The following COL4A5 variants were observed in gnomAD, a reference collection of about 807,000 sequenced individuals.
The protein encoded by COL4A5 is collagen alpha-5(IV) chain.
Under a neutral mutation model 130.2 loss-of-function variants are expected in COL4A5, and 26 were observed. The observed-to-expected ratio is 0.20, with a 90% CI of 0.15 to 0.28. The LOEUF (loss-of-function observed/expected upper bound fraction) is 0.28. COL4A5 is among the 10% of genes least tolerant of loss of function. COL4A5 has a pLI of 1.00. For synonymous variants in COL4A5, 496 were observed against 439.6 expected (o/e 1.13, Z -1.60); for missense variants, 1,131 against 1,344.3 (o/e 0.84, Z 2.48).
At chrX:108,571,745 G>A in intron 7 of COL4A5, 66 bp from the exon 8 acceptor site, 2 of 829,992 alleles carry the variant, frequency 2.4e-6, no homozygotes, top group Admixed American at 2.3e-5. Context: ...TATTTAGAAA[G>A]CATTCTGTAA....
chrX:108,580,297 G>A (rs2066220725), intron 13 of COL4A5, among the ~76,000 whole-genome samples: 1 of 111,063 alleles, frequency 9.0e-6, no homozygotes, highest in Non-Finnish European at 1.9e-5. Flanking sequence ...CCATCTTTAT[G>A]TCCTTGTGTC....
At chrX:108,638,442 C>CAT (rs1162188775) in intron 36 of COL4A5, among the ~76,000 whole-genome samples, 1 of 111,286 alleles carries the variant, frequency 9.0e-6, no homozygotes, top group African/African-American at 3.3e-5. Flanking sequence ...TTATAAAGGT[C>CAT]ATATATGAAA....
chrX:108,587,854 A>G (rs1172589925), intron 19 of COL4A5, among the ~76,000 whole-genome samples: 2 of 111,133 alleles, frequency 1.8e-5, no homozygotes, highest in Non-Finnish European at 3.8e-5. Flanking sequence ...ACACCAAACA[A>G]TTCTTAATTT....
At chrX:108,611,981 C>A (rs1348785344) in intron 29 of COL4A5, among the ~76,000 whole-genome samples, 1 of 111,308 alleles carries the variant, frequency 9.0e-6, no homozygotes, top group Non-Finnish European at 1.9e-5. Context: ...CCTTAGAATA[C>A]GGGCTGGTTT....
chrX:108,640,639 TA>T (rs1192115368), intron 36 of COL4A5, among the ~76,000 whole-genome samples: 1 of 111,210 alleles, frequency 9.0e-6, no homozygotes, highest in Admixed American at 9.6e-5. Flanking sequence ...TTTGGGTTGA[TA>T]AAAAAAATTC....
chrX:108,626,022 A>C (rs1012397715), intron 35 of COL4A5, among the ~76,000 whole-genome samples, 188 bp from the exon 36 acceptor site: 1 of 111,870 alleles, frequency 8.9e-6, no homozygotes, highest in Non-Finnish European at 1.9e-5. Flanking sequence ...TTCTCCAGCT[A>C]TACCCCCTTT....
intron 1 of COL4A5, among the ~76,000 whole-genome samples, chrX:108,497,391 G>T (rs893489452): frequency 3.6e-5 from 4 of 111,621 alleles, no homozygotes; most frequent in Non-Finnish European, 5.7e-5. Context: ...CCTAGAAGTA[G>T]ATTTCCACGT....
At chrX:108,692,414 T>C (rs1190178714) in intron 49 of COL4A5, among the ~76,000 whole-genome samples, 2 of 111,269 alleles carry the variant, frequency 1.8e-5, no homozygotes, top group Non-Finnish European at 3.8e-5. Context: ...TAAGATATCG[T>C]AAGGACTCAG....
intron 36 of COL4A5, among the ~76,000 whole-genome samples, chrX:108,634,544 C>A (rs2067321013): frequency 9.0e-6 from 1 of 111,642 alleles, no homozygotes; most frequent in Admixed American, 9.5e-5. Context: ...GAGACAATTT[C>A]TGTGCCAAGG....
chrX:108,524,825 T>C (rs190479285), intron 1 of COL4A5, among the ~76,000 whole-genome samples: 2 of 112,358 alleles, frequency 1.8e-5, no homozygotes, highest in Non-Finnish European at 3.8e-5. Context: ...TATTGATTTC[T>C]AATTTTATTC....
chrX:108,602,104 A>T (rs1008471815), intron 27 of COL4A5, 115 bp downstream of exon 27: 13 of 460,735 alleles, frequency 2.8e-5, no homozygotes, highest in Non-Finnish European at 4.7e-5. Context: ...TCTCTGTGCT[A>T]TAAAGAATGT....
intron 1 of COL4A5, among the ~76,000 whole-genome samples, chrX:108,451,993 A>AT (rs753153164): frequency 2.7e-5 from 3 of 111,802 alleles, no homozygotes; most frequent in African/African-American, 9.8e-5. Flanking sequence ...TCTTGAATTA[A>AT]TTTTTGTATA....
chrX:108,661,894 A>T (rs952436791), intron 37 of COL4A5, among the ~76,000 whole-genome samples: 3 of 110,873 alleles, frequency 2.7e-5, no homozygotes, highest in Middle Eastern at 4.6e-3. Flanking sequence ...AATTTTATTT[A>T]AAAAATTTCA....
At chrX:108,474,117 A>G (rs890344150) in intron 1 of COL4A5, among the ~76,000 whole-genome samples, 2 of 111,437 alleles carry the variant, frequency 1.8e-5, no homozygotes, top group African/African-American at 3.3e-5. Context: ...TACAGGGTTT[A>G]CAGAGTCTAT....
intron 1 of COL4A5, among the ~76,000 whole-genome samples, chrX:108,452,814 T>C (rs1273054162): frequency 9.0e-6 from 1 of 111,514 alleles, no homozygotes; most frequent in Non-Finnish European, 1.9e-5. Flanking sequence ...GAATACCCTT[T>C]ATTTCCTTCT....
At chrX:108,546,199 A>G (rs1382623599) in intron 2 of COL4A5, among the ~76,000 whole-genome samples, 1 of 112,014 alleles carries the variant, frequency 8.9e-6, no homozygotes, top group Non-Finnish European at 1.9e-5. Context: ...GTTTCTTCCT[A>G]GCATCAATGG....
intron 2 of COL4A5, among the ~76,000 whole-genome samples, chrX:108,554,592 G>A (rs1218962095): frequency 8.9e-6 from 1 of 111,975 alleles, no homozygotes; most frequent in Non-Finnish European, 1.9e-5. Context: ...CAGGCATGGT[G>A]GCTCACAACT....
At chrX:108,443,250 A>T (rs920091671) in intron 1 of COL4A5, among the ~76,000 whole-genome samples, 1 of 112,397 alleles carries the variant, frequency 8.9e-6, no homozygotes, top group African/African-American at 3.2e-5. Context: ...GAGATTATTT[A>T]AAAGCAATCT....
At chrX:108,470,840 T>G (rs2064760671) in intron 1 of COL4A5, among the ~76,000 whole-genome samples, 1 of 111,812 alleles carries the variant, frequency 8.9e-6, no homozygotes, top group African/African-American at 3.3e-5. Flanking sequence ...GAGGTAGGGA[T>G]TGAGTTTCAT....
Sources: allele counts gnomAD v4.1 joint callset (sites outside exome capture counted in the v4.1 genomes callset), GRCh38; gene constraint gnomAD v4.1.1; transcripts MANE v1.5; gene names NCBI Gene and HGNC (gene_info 2026-07-23, HGNC 2026-07-21).